UVRAG: variants seen among roughly 807,000 people sequenced by gnomAD.
UVRAG encodes UV radiation resistance associated.
Under a neutral mutation model 78.0 loss-of-function variants are expected in UVRAG, and 19 were observed. The observed-to-expected ratio is 0.24, with a 90% confidence interval of 0.17 to 0.36. The LOEUF (loss-of-function observed/expected upper bound fraction) is 0.36, where lower values mean the gene tolerates loss of function less well. UVRAG is among the 10% of genes least tolerant of loss of function. The pLI is 1.00. For missense variants in UVRAG, 740 were observed against 853.8 expected (o/e 0.87, Z 1.66); for synonymous variants, 323 against 324.6 (o/e 1.00, Z 0.05).
chr11:76,098,474 C>T (rs1951824961), intron 13 of UVRAG, among the ~76,000 whole-genome samples: 1 of 152,138 alleles, frequency 6.6e-6, no homozygotes, highest in Non-Finnish European at 1.5e-5. Context: ...GTTGTTCCTT[C>T]TCCTGTACCA....
Position 75,907,896 on chromosome 11 carries a change from AT to A in UVRAG, c.508-4050del, listed in dbSNP as rs879614774. ...GTTCATGGTGTATAATCTTTAAAAA[AT>A]TTTTTTTGTGGTAAATTACAAATAC... On this transcript the variant is annotated intron_variant, in intron 5 of 14. Coordinates refer to ENST00000356136, the MANE Select transcript of UVRAG (RefSeq NM_003369.4). Among the ~76,000 whole-genome samples, 5 of 151,960 alleles carry A rather than the reference AT, an allele frequency of 3.3e-5. No homozygotes were observed. In the East Asian group the frequency reaches 7.7e-4, roughly 23 times the overall value.
chr11:76,107,376 C>T (rs1020331008), intron 13 of UVRAG, among the ~76,000 whole-genome samples: 6 of 152,198 alleles, frequency 3.9e-5, no homozygotes, highest in Non-Finnish European at 8.8e-5. Context: ...TCAGAGGTGC[C>T]ATTCAGCTCT....
chr11:75,929,304 T>C (rs531053621), intron 6 of UVRAG, among the ~76,000 whole-genome samples: 128 of 152,334 alleles, frequency 8.4e-4, no homozygotes, highest in Middle Eastern at 3.4e-3. Flanking sequence ...GAGAAATCTT[T>C]ATTGAGAATC....
chr11:76,099,438 T>C (rs1424275047), intron 13 of UVRAG, among the ~76,000 whole-genome samples: 1 of 152,158 alleles, frequency 6.6e-6, no homozygotes, highest in Non-Finnish European at 1.5e-5. Context: ...AAACAGGGCC[T>C]AATCAATAGA....
intron 3 of UVRAG, among the ~76,000 whole-genome samples, chr11:75,863,430 G>C (rs573875013): frequency 6.6e-6 from 1 of 152,222 alleles, no homozygotes; most frequent in South Asian, 2.1e-4. Context: ...GTCAAATGTT[G>C]GGGATGGTTT....
intron 9 of UVRAG, among the ~76,000 whole-genome samples, chr11:76,004,753 G>A (rs141955791): frequency 4.1e-4 from 62 of 152,086 alleles, no homozygotes; most frequent in African/African-American, 1.4e-3. Context: ...ACCTCCCAAA[G>A]TGCTGGGATT....
intron 12 of UVRAG, among the ~76,000 whole-genome samples, chr11:76,029,920 A>G (rs1416160521): frequency 1.3e-5 from 2 of 152,234 alleles, no homozygotes; most frequent in Non-Finnish European, 2.9e-5. Context: ...CACCACCCTG[A>G]TTAGTCAATA....
At chr11:75,920,008 G>GT (rs140217190) in intron 6 of UVRAG, among the ~76,000 whole-genome samples, 3,594 of 55,564 alleles carry the variant, frequency 0.065, 605 homozygotes, top group Admixed American at 0.084. Flanking sequence ...AATAATTTTG[G>GT]TTTTTTTTTT....
chr11:75,949,480 A>G (rs1173913366), intron 6 of UVRAG, among the ~76,000 whole-genome samples: 1 of 152,018 alleles, frequency 6.6e-6, no homozygotes, highest in Non-Finnish European at 1.5e-5. Flanking sequence ...TCTCCTGAGC[A>G]ACAGATCTTT....
intron 1 of UVRAG, among the ~76,000 whole-genome samples, chr11:75,828,744 TATACACACAC>T (rs1834244002): frequency 1.3e-4 from 12 of 93,862 alleles, no homozygotes; most frequent in African/African-American, 9.7e-4. Context: ...TATATATATA[TATACACACAC>T]ATATATATAT....
At chr11:75,898,725 G>A (rs567138170) in intron 5 of UVRAG, among the ~76,000 whole-genome samples, 8 of 152,170 alleles carry the variant, frequency 5.3e-5, no homozygotes, top group African/African-American at 7.2e-5. Flanking sequence ...TACTGTTAGC[G>A]ACATCTCCTT....
rs1948911183 is a variant in UVRAG, at chr11:75,961,540, C to T, written c.690C>T (p.Ser230=). Residue 230 remains serine, a synonymous_variant, in exon 7 of 15, where the codon AGC becomes AGT. Transcript: ENST00000356136. ...AAAAACTAAGACTCACATCTACAAG[C>T]AATGAACTGGTAGGTTTTTATGTAT... ...IEEKLRLTST[S]NELKKKSECL... 1.3e-6 allele frequency: 2 copies of T among 1,597,250 alleles called. No individual in the cohort carries two copies. The highest frequency in any genetic ancestry group is 2.3e-5 in the South Asian group (2 of 87,394).
chr11:76,084,918 G>T (rs924225317), intron 13 of UVRAG, among the ~76,000 whole-genome samples: 2 of 151,876 alleles, frequency 1.3e-5, no homozygotes, highest in Non-Finnish European at 2.9e-5. Flanking sequence ...CCAAAAATTA[G>T]CCAGGCATGG....
intron 12 of UVRAG, among the ~76,000 whole-genome samples, chr11:76,061,771 G>T (rs1399369868): frequency 1.3e-5 from 2 of 152,176 alleles, no homozygotes; most frequent in Non-Finnish European, 2.9e-5. Context: ...GCGAGGGTCC[G>T]CAGCTTCATT....
At chr11:76,084,937 G>C (rs1164966291) in intron 13 of UVRAG, among the ~76,000 whole-genome samples, 5 of 151,654 alleles carry the variant, frequency 3.3e-5, no homozygotes, top group African/African-American at 1.2e-4. Context: ...GGTGGCGGGT[G>C]CCTGTAATCC....
intron 7 of UVRAG, among the ~76,000 whole-genome samples, chr11:75,976,573 G>T (rs1021667888): frequency 6.6e-6 from 1 of 152,048 alleles, no homozygotes; most frequent in Non-Finnish European, 1.5e-5. Flanking sequence ...CAGCGATTCA[G>T]CTTCTTCCTG....
At chr11:75,991,849 A>G (rs1019949275) in intron 8 of UVRAG, among the ~76,000 whole-genome samples, 5 of 152,166 alleles carry the variant, frequency 3.3e-5, no homozygotes, top group African/African-American at 4.8e-5. Context: ...AGTGATATCT[A>G]TACCATTTAC....
At chr11:76,101,926 C>T (rs1326557215) in intron 13 of UVRAG, among the ~76,000 whole-genome samples, 1 of 152,064 alleles carries the variant, frequency 6.6e-6, no homozygotes, top group African/African-American at 2.4e-5. Flanking sequence ...CTATTCTATT[C>T]CATTGGTCTA....
chr11:75,876,836 TTTTTTA>T (rs1946792962), intron 3 of UVRAG, among the ~76,000 whole-genome samples: 1 of 151,694 alleles, frequency 6.6e-6, no homozygotes, highest in African/African-American at 2.4e-5. Flanking sequence ...CTTATGTTTT[TTTTTTA>T]TTTTTTATTT....
Sources: gnomAD v4.1 joint callset for allele counts (sites outside exome capture counted in the v4.1 genomes callset) on GRCh38, gnomAD v4.1.1 for gene constraint, MANE v1.5 for transcripts, NCBI Gene and HGNC (gene_info 2026-07-23, HGNC 2026-07-21) for gene names.